HS6ST3: variants seen among roughly 807,000 people sequenced by gnomAD.
HS6ST3 encodes heparan-sulfate 6-O-sulfotransferase 3.
HS6ST3 carries 12 observed loss-of-function variants against 36.7 expected under a neutral mutation model. The observed-to-expected ratio is 0.33, with a 90% CI of 0.21 to 0.53. The LOEUF (loss-of-function observed/expected upper bound fraction) is 0.53, where lower values mean the gene tolerates loss of function less well. Among genes scored for constraint, HS6ST3 ranks in the 20% least tolerant of loss-of-function variants. The pLI is 0.95. For synonymous variants in HS6ST3, 240 were observed against 257.5 expected, an observed-to-expected ratio of 0.93 and a Z score of 0.65; for missense variants, 584 against 640.9, an observed-to-expected ratio of 0.91 and a Z score of 0.96.
chr13:96,392,561 G>A (rs944226009), intron 1 of HS6ST3, among the ~76,000 whole-genome samples: 1 of 152,216 alleles, frequency 6.6e-6, no homozygotes, highest in Non-Finnish European at 1.5e-5. Context: ...CACATGATCT[G>A]ATGTCCAAAG....
intron 1 of HS6ST3, among the ~76,000 whole-genome samples, chr13:96,157,532 C>T (rs1466362846): frequency 1.3e-5 from 2 of 152,132 alleles, no homozygotes; most frequent in Non-Finnish European, 2.9e-5. Context: ...GATAATTTGT[C>T]ATTTTGGACT....
chr13:96,225,580 A>C (rs2054476520), intron 1 of HS6ST3, among the ~76,000 whole-genome samples: 1 of 152,214 alleles, frequency 6.6e-6, no homozygotes, highest in Non-Finnish European at 1.5e-5. Context: ...CAATAGATCT[A>C]AGTGTTCTTG....
chr13:96,668,965 C>A (rs2056674395), intron 1 of HS6ST3, among the ~76,000 whole-genome samples: 2 of 151,774 alleles, frequency 1.3e-5, no homozygotes, highest in African/African-American at 4.8e-5. Context: ...ACATTAATTG[C>A]TTTAAATTAG....
intron 1 of HS6ST3, among the ~76,000 whole-genome samples, chr13:96,602,746 G>C (rs1434252946): frequency 6.6e-6 from 1 of 152,160 alleles, no homozygotes; most frequent in Non-Finnish European, 1.5e-5. Flanking sequence ...ACTGATGTCT[G>C]TGAGTACTAT....
chr13:96,323,629 T>A (rs964644330), intron 1 of HS6ST3, among the ~76,000 whole-genome samples: 1 of 152,198 alleles, frequency 6.6e-6, no homozygotes, highest in African/African-American at 2.4e-5. Context: ...TTGCCCTCCC[T>A]GTGCCTCCTT....
chr13:96,106,948 A>G (rs1346776743), intron 1 of HS6ST3, among the ~76,000 whole-genome samples: 2 of 152,254 alleles, frequency 1.3e-5, no homozygotes, highest in African/African-American at 4.8e-5. Flanking sequence ...CAGTCCAGTT[A>G]GAATGGTTCT....
intron 1 of HS6ST3, among the ~76,000 whole-genome samples, chr13:96,273,989 C>G (rs1419555972): frequency 4.4e-5 from 6 of 135,172 alleles, no homozygotes; most frequent in African/African-American, 1.7e-4. Flanking sequence ...TCCTCCTCCC[C>G]CCTCCCTTCT....
At chr13:96,230,715 T>G (rs2139367410) in intron 1 of HS6ST3, among the ~76,000 whole-genome samples, 1 of 152,182 alleles carries the variant, frequency 6.6e-6, no homozygotes, top group East Asian at 1.9e-4. Flanking sequence ...CTCACAAAAA[T>G]GGAACTAAAT....
chr13:96,255,780 T>C (rs567511871), intron 1 of HS6ST3, among the ~76,000 whole-genome samples: 1 of 152,332 alleles, frequency 6.6e-6, no homozygotes, highest in East Asian at 1.9e-4. Flanking sequence ...TCCAAGTTTC[T>C]CTTTGTATCT....
intron 1 of HS6ST3, among the ~76,000 whole-genome samples, chr13:96,615,039 T>C (rs1042143289): frequency 6.6e-6 from 1 of 152,204 alleles, no homozygotes; most frequent in African/African-American, 2.4e-5. Flanking sequence ...TCTTGGCTTT[T>C]TTAAAGAAAA....
At chr13:96,386,251 A>T (rs2055367369) in intron 1 of HS6ST3, among the ~76,000 whole-genome samples, 1 of 152,214 alleles carries the variant, frequency 6.6e-6, no homozygotes, top group African/African-American at 2.4e-5. Flanking sequence ...TTATGTGAGT[A>T]AGTATATCTA....
chr13:96,165,305 A>G (rs1250759606), intron 1 of HS6ST3, among the ~76,000 whole-genome samples: 1 of 152,148 alleles, frequency 6.6e-6, no homozygotes, highest in Non-Finnish European at 1.5e-5. Context: ...GTACATATGC[A>G]ACTTTAGAAG....
intron 1 of HS6ST3, among the ~76,000 whole-genome samples, chr13:96,138,434 CAGTTTATAAATATAT>C (rs1271584278): frequency 3.4e-5 from 3 of 89,246 alleles, no homozygotes; most frequent in Non-Finnish European, 7.1e-5. Flanking sequence ...TATATATTTA[CAGTTTATAAATATAT>C]AGTTTATAAA....
chr13:96,527,295 C>G (rs1407648378), intron 1 of HS6ST3, among the ~76,000 whole-genome samples: 2 of 152,002 alleles, frequency 1.3e-5, no homozygotes, highest in Non-Finnish European at 2.9e-5. Flanking sequence ...GAAAACTCTC[C>G]TTTATTCATT....
At chr13:96,688,995 G>T (rs976163650) in intron 1 of HS6ST3, among the ~76,000 whole-genome samples, 1 of 151,984 alleles carries the variant, frequency 6.6e-6, no homozygotes. Context: ...TATTATTTGG[G>T]TCTTCTGCTA....
chr13:96,773,646 G>C (rs1043606641), intron 1 of HS6ST3, among the ~76,000 whole-genome samples: 5 of 152,140 alleles, frequency 3.3e-5, no homozygotes, highest in Non-Finnish European at 7.4e-5. Flanking sequence ...CTCTGGGCAG[G>C]GTATCTCTGA....
At chr13:96,535,450 C>T (rs1322281658) in intron 1 of HS6ST3, among the ~76,000 whole-genome samples, 1 of 150,552 alleles carries the variant, frequency 6.6e-6, no homozygotes, top group Non-Finnish European at 1.5e-5. Context: ...CCCAGCTACT[C>T]AGGAGGCTGA....
At chr13:96,269,467 C>T (rs549186765) in intron 1 of HS6ST3, among the ~76,000 whole-genome samples, 1 of 152,074 alleles carries the variant, frequency 6.6e-6, no homozygotes, top group Admixed American at 6.6e-5. Flanking sequence ...GCATCAATAG[C>T]TTGTTAACCT....
intron 1 of HS6ST3, among the ~76,000 whole-genome samples, chr13:96,422,489 G>A (rs978160295): frequency 2.6e-5 from 4 of 152,188 alleles, no homozygotes; most frequent in African/African-American, 7.2e-5. Flanking sequence ...AACAGACTGG[G>A]CAGGGTGTTC....
Sources: gnomAD v4.1 joint callset for allele counts (sites outside exome capture counted in the v4.1 genomes callset) on GRCh38, gnomAD v4.1.1 for gene constraint, MANE v1.5 for transcripts, NCBI Gene and HGNC (gene_info 2026-07-23, HGNC 2026-07-21) for gene names.